The following SEPTIN9 variants were observed in gnomAD, a reference collection of about 807,000 sequenced individuals.
SEPTIN9 encodes septin 9, also known as septin-9.
A neutral mutation model predicts 56.6 loss-of-function variants in SEPTIN9; 13 were observed. The ratio of observed to expected loss-of-function variants is 0.23; its 90% confidence interval spans 0.15 to 0.37. The LOEUF is 0.37. Ranked by LOEUF, SEPTIN9 falls within the 10% of genes least tolerant of loss-of-function variation. The probability of loss-of-function intolerance (pLI) is 1.00; values close to 1 mark genes in which losing one functional copy is unlikely to be tolerated. For missense variants in SEPTIN9, 650 were observed against 823.1 expected, an observed-to-expected ratio of 0.79 and a Z score of 2.57; for synonymous variants, 332 against 334.1, an observed-to-expected ratio of 0.99 and a Z score of 0.07.
intron 3 of SEPTIN9, among the ~76,000 whole-genome samples, chr17:77,411,550 T>C (rs2036300178): frequency 6.6e-6 from 1 of 152,004 alleles, no homozygotes; most frequent in Non-Finnish European, 1.5e-5. Flanking sequence ...CACAGGTGCT[T>C]GCCACCACAC....
At chr17:77,398,294 G>A (rs2035790044) in intron 2 of SEPTIN9, among the ~76,000 whole-genome samples, 1 of 152,152 alleles carries the variant, frequency 6.6e-6, no homozygotes, top group Non-Finnish European at 1.5e-5. Context: ...TTCTAGAAGC[G>A]CCTGAGGCCT....
At chr17:77,441,592 G>C (rs1400840754) in intron 3 of SEPTIN9, among the ~76,000 whole-genome samples, 2 of 152,216 alleles carry the variant, frequency 1.3e-5, no homozygotes, top group African/African-American at 4.8e-5. Flanking sequence ...TTACAGACAA[G>C]TAAACTGAGC....
chr17:77,489,449 C>T (rs62077400), intron 7 of SEPTIN9, among the ~76,000 whole-genome samples: 5,903 of 152,248 alleles, frequency 0.039, 209 homozygotes, highest in East Asian at 0.14. Flanking sequence ...CATGGCCTCA[C>T]GGACCCTCTG....
chr17:77,319,032 C>T lies in SEPTIN9; in HGVS notation c.76+11835C>T, dbSNP rs369724446. 7.9e-5 allele frequency among the ~76,000 whole-genome samples: 12 copies of T among 152,210 alleles called. No individual in the cohort carries two copies. The highest frequency in any genetic ancestry group is 2.7e-4 in the African/African-American group (11 of 41,450). Reference sequence around the variant, plus strand: ...CAGGAAGGCTTCCGTGGTGCGGCCACGCGTCCTCCCTTTCTCAACAGAAGC... The same window carrying T: ...CAGGAAGGCTTCCGTGGTGCGGCCATGCGTCCTCCCTTTCTCAACAGAAGC... On this transcript the variant is annotated intron_variant, in intron 2 of 11. Transcript: ENST00000427177. This position sits in a 1 kb window ranked among gnomAD's most constrained non-coding sequence, Gnocchi z 5.3.
At chr17:77,350,592 T>G (rs1208674329) in intron 2 of SEPTIN9, among the ~76,000 whole-genome samples, 6 of 146,378 alleles carry the variant, frequency 4.1e-5, no homozygotes, top group Non-Finnish European at 9.1e-5. Flanking sequence ...GCTCTGCCTC[T>G]CTTCTCTCCT....
chr17:77,331,342 C>T (rs2033344814), intron 2 of SEPTIN9, among the ~76,000 whole-genome samples: 1 of 151,952 alleles, frequency 6.6e-6, no homozygotes, highest in African/African-American at 2.4e-5. Context: ...GGCACTGGGG[C>T]TTATGCTCCT....
In SEPTIN9 at chr17:77,389,756, T is replaced by A. The variant is rs1449555910; in HGVS notation, c.77-12303T>A. On this transcript the variant is annotated intron_variant, in intron 2 of 11. Transcript: ENST00000427177. This position sits in a 1 kb window ranked among gnomAD's most constrained non-coding sequence, Gnocchi z 4.3. ...CCCACCCCAGCCAGGAAATTCTTCC[T>A]CTTTATCTGCCTCACATCTCTTCCC... 1.3e-5 allele frequency among the ~76,000 whole-genome samples: 2 copies of A among 148,382 alleles called. No homozygotes were observed. The highest frequency in any genetic ancestry group is 4.9e-5 in the African/African-American group (2 of 40,680).
At chr17:77,411,396 T>TC (rs1301721283) in intron 3 of SEPTIN9, among the ~76,000 whole-genome samples, 3 of 135,856 alleles carry the variant, frequency 2.2e-5, no homozygotes, top group Non-Finnish European at 4.5e-5. Context: ...TTTTTCTTTT[T>TC]CTTTTTTTTT....
At chr17:77,388,774 G>A (rs576254153) in intron 2 of SEPTIN9, among the ~76,000 whole-genome samples, 2 of 148,826 alleles carry the variant, frequency 1.3e-5, no homozygotes, top group South Asian at 2.1e-4. Flanking sequence ...ATTAATGGAG[G>A]CTCCACCTGG....
At chr17:77,468,729 A>G (rs1030300594) in intron 3 of SEPTIN9, among the ~76,000 whole-genome samples, 12 of 152,332 alleles carry the variant, frequency 7.9e-5, no homozygotes, top group Admixed American at 7.8e-4. Context: ...TCACGGCTTC[A>G]TAGAGGGAAA....
chr17:77,444,522 G>A (rs529110877), intron 3 of SEPTIN9, among the ~76,000 whole-genome samples: 1 of 152,190 alleles, frequency 6.6e-6, no homozygotes, highest in Non-Finnish European at 1.5e-5. Context: ...AAAACAGACA[G>A]TGTTCCAAGG....
Position 77,482,319 on chromosome 17 carries a change from C to T in SEPTIN9, c.897C>T (p.Phe299=). ...RRKAMKQGFE[F]NIMVVGQSGL... Reference sequence around the variant, plus strand: ...AGGCCATGAAGCAGGGCTTCGAGTTCAACATCATGGTGGTCGGTGAGTCCT... The same window carrying T: ...AGGCCATGAAGCAGGGCTTCGAGTTTAACATCATGGTGGTCGGTGAGTCCT... The change falls in exon 4 of 12, where the codon TTC becomes TTT. Residue 299 remains phenylalanine (F), a synonymous_variant. Coordinates refer to ENST00000427177, the MANE Select transcript of SEPTIN9 (RefSeq NM_001113491.2). The T allele has an allele frequency of 1.2e-6, 2 of 1,612,712 alleles. No individual in the cohort carries two copies. Among genetic ancestry groups the T allele is most frequent in the Non-Finnish European group, 1.7e-6 (2 of 1,179,854 alleles).
chr17:77,293,335 G>T lies in SEPTIN9; in HGVS notation c.19+11781G>T, dbSNP rs370903483. Among the ~76,000 whole-genome samples, 983 of 152,096 alleles carry T rather than the reference G, an allele frequency of 6.5e-3. 4 individuals carry two copies. The highest frequency in any genetic ancestry group is 0.016 in the African/African-American group (680 of 41,498). ...CGCCTTGCTAATTTTTGTATTTTTT[G>T]TGTGTGTGTAAAGACAAGGTCTTAC... On this transcript the variant is annotated intron_variant, in intron 1 of 11. Coordinates refer to ENST00000427177, the MANE Select transcript of SEPTIN9 (RefSeq NM_001113491.2).
At chr17:77,333,090 G>A (rs978486900) in intron 2 of SEPTIN9, among the ~76,000 whole-genome samples, 4 of 152,276 alleles carry the variant, frequency 2.6e-5, no homozygotes, top group African/African-American at 9.6e-5. Flanking sequence ...CAATGGATAC[G>A]AGTTCTAGTT....
intron 3 of SEPTIN9, among the ~76,000 whole-genome samples, chr17:77,431,339 G>A (rs1213140061): frequency 2.6e-5 from 4 of 152,052 alleles, no homozygotes; most frequent in Admixed American, 6.5e-5. Flanking sequence ...AAAAACCAAC[G>A]TTTATCTTTT....
chr17:77,419,968 TGGA>T (rs1417920876), intron 3 of SEPTIN9: 1 of 152,198 alleles, frequency 6.6e-6, no homozygotes, highest in African/African-American at 2.4e-5. Flanking sequence ...GAGGATGCGG[TGGA>T]GGAGAAGCCA....
At chr17:77,355,204 C>T (rs944065430) in intron 2 of SEPTIN9, among the ~76,000 whole-genome samples, 4 of 151,780 alleles carry the variant, frequency 2.6e-5, no homozygotes, top group African/African-American at 9.7e-5. Flanking sequence ...CATTCCGTGG[C>T]CCAGCATCTC....
At chr17:77,351,132 GCTTA>G (rs1193464115) in intron 2 of SEPTIN9, among the ~76,000 whole-genome samples, 23 of 151,888 alleles carry the variant, frequency 1.5e-4, no homozygotes, top group Middle Eastern at 6.8e-3. Context: ...CTTTTTTCTG[GCTTA>G]CTAAGTGCCA....
At chr17:77,357,019 C>G (rs1275176747) in intron 2 of SEPTIN9, among the ~76,000 whole-genome samples, 1 of 151,752 alleles carries the variant, frequency 6.6e-6, no homozygotes, top group Non-Finnish European at 1.5e-5. Flanking sequence ...CGTCCAGAAG[C>G]ATCAACCTGG....
Sources: allele counts gnomAD v4.1 joint callset (sites outside exome capture counted in the v4.1 genomes callset), GRCh38; gene constraint gnomAD v4.1.1; non-coding constraint Gnocchi (gnomAD v3.1); transcripts MANE v1.5; gene names NCBI Gene and HGNC (gene_info 2026-07-23, HGNC 2026-07-21).